BEST3: variants seen among roughly 807,000 people sequenced by gnomAD.
BEST3 encodes bestrophin-3.
In BEST3, 50 loss-of-function variants were observed where a neutral mutation model predicts 47.1. That is an observed-to-expected ratio of 1.06 (90% CI 0.85 to 1.34). BEST3 has a LOEUF of 1.34. Among genes scored for constraint, BEST3 ranks in the 40% most tolerant of loss-of-function variants. The probability of loss-of-function intolerance (pLI) is 0.00; values close to 1 mark genes in which losing one functional copy is unlikely to be tolerated. For missense variants in BEST3, 765 were observed against 817.0 expected, an observed-to-expected ratio of 0.94 and a Z score of 0.78; for synonymous variants, 282 against 298.8, an observed-to-expected ratio of 0.94 and a Z score of 0.58.
downstream of BEST3, among the ~76,000 whole-genome samples, chr12:69,651,918 C>T (rs982413492): frequency 6.6e-6 from 1 of 151,946 alleles, no homozygotes; most frequent in Non-Finnish European, 1.5e-5. Flanking sequence ...GCAAATTTTA[C>T]ATTTCTCCAT....
In BEST3 at chr12:69,672,929, C is replaced by T. The variant is rs1884670681; in HGVS notation, c.904G>A (p.Asp302Asn). The change falls in exon 8 of 10, where the codon GAT (aspartate) becomes AAT (asparagine). Residue 302 changes from aspartate (D) to asparagine (N), a missense_variant. By Grantham distance (23) the Asp-to-Asn change is conservative. Transcript: ENST00000330891. Reference sequence around the variant, plus strand: ...CACCAGTTAGTTTCAAAATCATCATCATCTTCTCCAAAAGGGTTGATAAGC... The same window carrying T: ...CACCAGTTAGTTTCAAAATCATCATTATCTTCTCCAAAAGGGTTGATAAGC... ...EQLINPFGED[D>N]DDFETNWCID... 6.2e-7 allele frequency: 1 copy of T among 1,613,658 alleles called. No homozygotes were observed. Among genetic ancestry groups the T allele is most frequent in the Admixed American group, 1.7e-5 (1 of 59,966 alleles).
chr12:69,673,213 C>T (rs2135967624), intron 7 of BEST3, among the ~76,000 whole-genome samples: 1 of 152,288 alleles, frequency 6.6e-6, no homozygotes, highest in East Asian at 1.9e-4. Context: ...ACAATGCAGG[C>T]CCTATCAGGG....
chr12:69,670,287 TG>T, intron 9 of BEST3: 1 of 600,752 alleles, frequency 1.7e-6, no homozygotes, highest in Non-Finnish European at 3.0e-6. Context: ...GAAGGAGCCC[TG>T]GGTGGGTGGG....
chr12:69,688,580 G>T (rs1250477078), intron 4 of BEST3, among the ~76,000 whole-genome samples: 1 of 152,196 alleles, frequency 6.6e-6, no homozygotes, highest in Non-Finnish European at 1.5e-5. Flanking sequence ...AGCAAGAGAA[G>T]TTCAAGGATG....
At chr12:69,675,480 A>G (rs889801941) in intron 7 of BEST3, among the ~76,000 whole-genome samples, 12 of 152,234 alleles carry the variant, frequency 7.9e-5, no homozygotes, top group African/African-American at 2.7e-4. Context: ...GGAAGGAACC[A>G]TTATCTGCTC....
At chr12:69,697,626 G>T (rs775311284) in intron 2 of BEST3, 21 bp downstream of exon 2, 2 of 1,523,392 alleles carry the variant, frequency 1.3e-6, no homozygotes, top group South Asian at 2.5e-5. Context: ...GCCATTTAAG[G>T]AGACATGTAA....
In BEST3 at chr12:69,655,805, C is replaced by T; in HGVS notation, c.1109G>A (p.Gly370Glu). Residue 370 changes from glycine to glutamate, a missense_variant, in exon 10 of 10, where the codon GGG (glycine) becomes GAG (glutamate). Physicochemically the swap from Gly to Glu is moderately conservative, Grantham distance 98. Coordinates refer to ENST00000330891, the MANE Select transcript of BEST3 (RefSeq NM_032735.3). The part of the protein sequence containing the change: ...LGSTVQMGLS[G>E]SDFPDEEWLW... ...CCACTCCTCGTCAGGAAAGTCGGAC[C>T]CAGACAGCCTGAAACACACAATGAC... 6.2e-7 allele frequency: 1 copy of T among 1,605,836 alleles called. No individual in the cohort carries two copies. The highest frequency in any genetic ancestry group is 2.2e-5 in the East Asian group (1 of 44,706).
intron 9 of BEST3, among the ~76,000 whole-genome samples, chr12:69,668,189 T>G (rs374969070): frequency 2.6e-5 from 4 of 152,318 alleles, no homozygotes; most frequent in African/African-American, 9.6e-5. Context: ...ATTGCTTTGA[T>G]TTTAGAATAT....
intron 7 of BEST3, among the ~76,000 whole-genome samples, chr12:69,675,046 T>C (rs775499): frequency 0.85 from 128,083 of 151,542 alleles, 54,539 homozygotes; most frequent in Middle Eastern, 0.96. Flanking sequence ...TACAGGCGTG[T>C]GCCACCACAC....
chr12:69,652,337 G>A (rs1883237110), downstream of BEST3, among the ~76,000 whole-genome samples: 1 of 152,164 alleles, frequency 6.6e-6, no homozygotes, highest in South Asian at 2.1e-4. Flanking sequence ...AGGACTCAGG[G>A]AAAAAGGAGC....
Position 69,658,548 on chromosome 12 carries a change from T to C in BEST3, c.1101-2735A>G, listed in dbSNP as rs537322916. Among the ~76,000 whole-genome samples the C allele has an allele frequency of 2.0e-5, 3 of 152,388 alleles. No individual in the cohort carries two copies. In the South Asian group the frequency reaches 6.2e-4, roughly 32 times the overall value. ...AGGTTTATCTGTTTATTCACCCGACTAAATTTATTGAGCACTTATCATAAA... is the reference window on the plus strand; with the variant it reads ...AGGTTTATCTGTTTATTCACCCGACCAAATTTATTGAGCACTTATCATAAA... On this transcript the variant is annotated intron_variant, in intron 9 of 9. Coordinates refer to ENST00000330891, the MANE Select transcript of BEST3 (RefSeq NM_032735.3).
At chr12:69,671,009 T>C (rs1884534525) in intron 9 of BEST3, among the ~76,000 whole-genome samples, 1 of 152,202 alleles carries the variant, frequency 6.6e-6, no homozygotes, top group East Asian at 1.9e-4. Context: ...CTCATTATAC[T>C]TAGGGGTGAT....
intron 4 of BEST3, among the ~76,000 whole-genome samples, chr12:69,679,409 G>C (rs912498178): frequency 3.9e-5 from 6 of 152,058 alleles, no homozygotes; most frequent in African/African-American, 1.4e-4. Flanking sequence ...TCTCTTTCCT[G>C]AGGGATTTCT....
At chr12:69,693,965 T>C in intron 3 of BEST3, 58 bp from the exon 4 acceptor site, 3 of 1,295,644 alleles carry the variant, frequency 2.3e-6, no homozygotes, top group Non-Finnish European at 3.2e-6. Flanking sequence ...TTGGTGACAC[T>C]GATGCTTTTA....
chr12:69,666,297 C>T (rs754243909), intron 9 of BEST3, among the ~76,000 whole-genome samples: 3 of 152,172 alleles, frequency 2.0e-5, no homozygotes, highest in East Asian at 1.9e-4. Flanking sequence ...GGATTACAGG[C>T]GTGGGCCATC....
intron 2 of BEST3, among the ~76,000 whole-genome samples, chr12:69,695,813 T>C (rs1886112779): frequency 6.6e-6 from 1 of 152,164 alleles, no homozygotes; most frequent in Non-Finnish European, 1.5e-5. Flanking sequence ...ATAATATATG[T>C]ATACATATAT....
At chr12:69,656,345 C>G (rs549044522) in intron 9 of BEST3, among the ~76,000 whole-genome samples, 276 of 144,314 alleles carry the variant, frequency 1.9e-3, no homozygotes, top group Non-Finnish European at 3.5e-3. Flanking sequence ...TAAGAAATAT[C>G]TATATATCTA....
intron 7 of BEST3, among the ~76,000 whole-genome samples, chr12:69,675,910 G>T (rs184849753): frequency 2.0e-5 from 3 of 152,294 alleles, no homozygotes; most frequent in African/African-American, 7.2e-5. Context: ...CTCTTTGGAA[G>T]GCCAAACATT....
intron 9 of BEST3, chr12:69,670,620 G>A (rs779835423): frequency 1.1e-4 from 80 of 698,274 alleles, no homozygotes; most frequent in Non-Finnish European, 1.9e-4. Context: ...CAGGGAGGAG[G>A]GAAAGAAGGG....
Sources: gnomAD v4.1 joint callset for allele counts (sites outside exome capture counted in the v4.1 genomes callset) on GRCh38, gnomAD v4.1.1 for gene constraint, MANE v1.5 for transcripts, NCBI Gene and HGNC (gene_info 2026-07-23, HGNC 2026-07-21) for gene names.